Variants in CAMTA1 observed in about 807,000 individuals in gnomAD.
CAMTA1 encodes calmodulin binding transcription activator 1, also known as calmodulin-binding transcription activator 1.
CAMTA1 carries 27 observed loss-of-function variants against 170.9 expected under a neutral mutation model. The observed-to-expected ratio is 0.16, with a 90% CI of 0.12 to 0.22. The LOEUF (loss-of-function observed/expected upper bound fraction) is 0.22. CAMTA1 is among the 10% of genes least tolerant of loss of function. The probability of loss-of-function intolerance (pLI) is 1.00; values close to 1 mark genes in which losing one functional copy is unlikely to be tolerated. For missense variants in CAMTA1, 1,619 were observed against 2,217.2 expected, an observed-to-expected ratio of 0.73 and a Z score of 5.42; for synonymous variants, 833 against 891.5, an observed-to-expected ratio of 0.93 and a Z score of 1.17.
At chr1:6,806,348 C>T (rs1347687715) in intron 1 of CAMTA1, among the ~76,000 whole-genome samples, 1 of 152,104 alleles carries the variant, frequency 6.6e-6, no homozygotes, top group Non-Finnish European at 1.5e-5. Context: ...TGCTAGCTCC[C>T]TTGTATTTCC....
Position 7,435,367 on chromosome 1 carries a change from C to G in CAMTA1, c.439-32463C>G, listed in dbSNP as rs1028327674. ...TCCCATCATTCTAAAGCCCAGAATC[C>G]CAGAACTCCAGAATTCCAAGTTTGG... On this transcript the variant is annotated intron_variant, in intron 5 of 22. Coordinates refer to ENST00000303635, the MANE Select transcript of CAMTA1 (RefSeq NM_015215.4). The surrounding 1 kb of genome is among the most constrained non-coding windows in gnomAD (Gnocchi z 4.4). Among the ~76,000 whole-genome samples the G allele has an allele frequency of 6.6e-6, 1 of 152,216 alleles. No individual in the cohort carries two copies. Among genetic ancestry groups the G allele is most frequent in the Non-Finnish European group, 1.5e-5 (1 of 68,042 alleles).
At position 7,371,651 on chromosome 1, in the gene CAMTA1, G is replaced by T. The variant is rs547916180; in HGVS notation, c.439-96179G>T. On this transcript the variant is annotated intron_variant, in intron 5 of 22. Transcript: ENST00000303635. ...TCAGGAGTTTCTATGGCTCAACACA[G>T]TGTGAGAGTTCTCAGGAATGGCCCG... 5.3e-5 allele frequency among the ~76,000 whole-genome samples: 8 copies of T among 152,350 alleles called. No individual in the cohort carries two copies. The South Asian group carries it at 1.7e-3, about 32-fold the overall frequency.
chr1:6,851,183 T>C (rs1220650975), intron 3 of CAMTA1, among the ~76,000 whole-genome samples: 1 of 152,158 alleles, frequency 6.6e-6, no homozygotes, highest in Non-Finnish European at 1.5e-5. Flanking sequence ...GTATGTAGTA[T>C]GTTTACGGAG....
chr1:7,625,041 G>A (rs1053069953), intron 6 of CAMTA1, among the ~76,000 whole-genome samples: 20 of 152,312 alleles, frequency 1.3e-4, no homozygotes, highest in Admixed American at 9.8e-4. Context: ...CAAGAGGGGT[G>A]AGAAGGGTGC....
intron 11 of CAMTA1, among the ~76,000 whole-genome samples, chr1:7,718,499 G>A (rs531496021): frequency 4.0e-5 from 6 of 150,324 alleles, no homozygotes; most frequent in African/African-American, 7.4e-5. Flanking sequence ...TTTAAATCAC[G>A]CCTTCATGTC....
intron 19 of CAMTA1, 100 bp from the exon 20 acceptor site, chr1:7,751,098 GA>G: frequency 1.0e-6 from 1 of 966,062 alleles, no homozygotes; most frequent in Non-Finnish European, 1.6e-6. Context: ...TAATAGAGGG[GA>G]AAAGCATTTT....
chr1:7,739,646 G>T (rs1472159865), intron 16 of CAMTA1, among the ~76,000 whole-genome samples: 1 of 152,202 alleles, frequency 6.6e-6, no homozygotes, highest in Admixed American at 6.5e-5. Context: ...GAGAATGAGA[G>T]CCGAGTGAAA....
intron 6 of CAMTA1, among the ~76,000 whole-genome samples, chr1:7,630,403 C>T (rs1446645509): frequency 6.6e-6 from 1 of 152,228 alleles, no homozygotes; most frequent in Non-Finnish European, 1.5e-5. Flanking sequence ...TGTGTTTTTC[C>T]TACACTACCT....
intron 4 of CAMTA1, among the ~76,000 whole-genome samples, chr1:7,185,020 T>C (rs1652961493): frequency 6.6e-6 from 1 of 152,178 alleles, no homozygotes; most frequent in South Asian, 2.1e-4. Flanking sequence ...ATATTCAAGA[T>C]TGAAGAAATA....
chr1:7,661,977 AG>A, intron 8 of CAMTA1, 111 bp downstream of exon 8: 2 of 1,303,636 alleles, frequency 1.5e-6, no homozygotes, highest in Non-Finnish European at 2.1e-6. Flanking sequence ...GTGAGGGAGG[AG>A]GGGGACAGTC....
At chr1:7,087,632 C>T (rs1177220653) in intron 3 of CAMTA1, among the ~76,000 whole-genome samples, 2 of 152,230 alleles carry the variant, frequency 1.3e-5, no homozygotes, top group Non-Finnish European at 2.9e-5. Flanking sequence ...TCTGGTTCTA[C>T]AGGTACTGGC....
chr1:7,459,337 C>T (rs1247877929), intron 5 of CAMTA1, among the ~76,000 whole-genome samples: 1 of 152,148 alleles, frequency 6.6e-6, no homozygotes, highest in Non-Finnish European at 1.5e-5. Flanking sequence ...CCTCTCCTTG[C>T]CCCACACAGG....
intron 6 of CAMTA1, among the ~76,000 whole-genome samples, chr1:7,557,308 GAA>G (rs34354980): frequency 6.2e-5 from 8 of 128,832 alleles, no homozygotes; most frequent in Non-Finnish European, 6.7e-5. Context: ...ACTCCGTTCA[GAA>G]AAAAAAAAAA....
At chr1:7,501,347 T>C (rs1478181366) in intron 6 of CAMTA1, among the ~76,000 whole-genome samples, 1 of 152,188 alleles carries the variant, frequency 6.6e-6, no homozygotes, top group Non-Finnish European at 1.5e-5. Context: ...GAACGGCCTT[T>C]GTTCCCGGGA....
At chr1:6,846,110 C>T (rs569115746) in intron 3 of CAMTA1, among the ~76,000 whole-genome samples, 7 of 152,284 alleles carry the variant, frequency 4.6e-5, no homozygotes, top group East Asian at 1.9e-4. Context: ...CCTGGCCCCG[C>T]CCTTGACACA....
chr1:6,824,330 T>A (rs1275469726), intron 2 of CAMTA1, among the ~76,000 whole-genome samples: 1 of 152,096 alleles, frequency 6.6e-6, no homozygotes, highest in Non-Finnish European at 1.5e-5. Flanking sequence ...ATGAGTGAAA[T>A]AAATGTTATA....
rs531170504 is a variant in CAMTA1, at chr1:7,635,642, G to A, written c.511-4758G>A. 9.8e-4 allele frequency among the ~76,000 whole-genome samples: 147 copies of A among 150,678 alleles called. No individual in the cohort carries two copies. Among genetic ancestry groups the A allele is most frequent in the African/African-American group, 3.4e-3 (141 of 41,032 alleles). On this transcript the variant is annotated intron_variant, in intron 6 of 22. Coordinates refer to ENST00000303635, the MANE Select transcript of CAMTA1 (RefSeq NM_015215.4). The surrounding 1 kb of genome is among the most constrained non-coding windows in gnomAD (Gnocchi z 4.4). ...AAAAAAAAAAATACAGGGCCCTGGC[G>A]GGGTCTGTCCCCTGCCGTGACTCTC...
At chr1:7,276,294 TATATATA>T (rs1207646076) in intron 5 of CAMTA1, among the ~76,000 whole-genome samples, 17 of 14,318 alleles carry the variant, frequency 1.2e-3, no homozygotes, top group Admixed American at 3.3e-3. Context: ...TATATATATA[TATATATA>T]TATTTTTTTT....
At chr1:7,318,298 G>C (rs962535062) in intron 5 of CAMTA1, among the ~76,000 whole-genome samples, 8 of 152,164 alleles carry the variant, frequency 5.3e-5, no homozygotes, top group Admixed American at 6.5e-5. Flanking sequence ...GCCCGTAAAG[G>C]CTTCCCTGGG....
Sources: allele counts gnomAD v4.1 joint callset (sites outside exome capture counted in the v4.1 genomes callset), GRCh38; gene constraint gnomAD v4.1.1; non-coding constraint Gnocchi (gnomAD v3.1); transcripts MANE v1.5; gene names NCBI Gene and HGNC (gene_info 2026-07-23, HGNC 2026-07-21).